Variants in MYO3B observed in about 807,000 individuals in gnomAD.
MYO3B encodes myosin-IIIb.
A neutral mutation model predicts 174.6 loss-of-function variants in MYO3B; 156 were observed. That is an observed-to-expected ratio of 0.89 (90% confidence interval 0.78 to 1.02). The LOEUF (loss-of-function observed/expected upper bound fraction) is 1.02, where lower values mean the gene tolerates loss of function less well. Ranked by LOEUF, MYO3B falls within the 50% of genes least tolerant of loss-of-function variation. The pLI is 0.00. For synonymous variants in MYO3B, 563 were observed against 569.1 expected (o/e 0.99, Z 0.15); for missense variants, 1,632 against 1,639.4 (o/e 1.00, Z 0.08).
At chr2:170,363,512 G>C (rs1356720865) in intron 8 of MYO3B, among the ~76,000 whole-genome samples, 1 of 152,138 alleles carries the variant, frequency 6.6e-6, no homozygotes, top group Non-Finnish European at 1.5e-5. Flanking sequence ...GACACCACCA[G>C]CTTGAGAGCC....
chr2:170,471,761 G>A (rs1684989166), intron 25 of MYO3B, among the ~76,000 whole-genome samples: 1 of 152,142 alleles, frequency 6.6e-6, no homozygotes, highest in South Asian at 2.1e-4. Flanking sequence ...GGAGGCTGAG[G>A]CGGGTGGATC....
chr2:170,529,031 A>T (rs1689172269), intron 30 of MYO3B, among the ~76,000 whole-genome samples: 1 of 152,258 alleles, frequency 6.6e-6, no homozygotes, highest in South Asian at 2.1e-4. Flanking sequence ...TGTACTCAAG[A>T]TTCCAAAAAA....
intron 30 of MYO3B, among the ~76,000 whole-genome samples, chr2:170,527,666 T>G (rs995806588): frequency 3.9e-5 from 6 of 152,204 alleles, no homozygotes; most frequent in Non-Finnish European, 7.3e-5. Flanking sequence ...GGAGCCAAAC[T>G]GCCTCTGTTC....
At chr2:170,380,514 A>G (rs1333014476) in intron 9 of MYO3B, among the ~76,000 whole-genome samples, 1 of 152,212 alleles carries the variant, frequency 6.6e-6, no homozygotes, top group African/African-American at 2.4e-5. Flanking sequence ...CAACTCTGAA[A>G]CTAGGGTCCA....
At chr2:170,424,024 A>C (rs1402672336) in intron 22 of MYO3B, among the ~76,000 whole-genome samples, 1 of 152,216 alleles carries the variant, frequency 6.6e-6, no homozygotes, top group Non-Finnish European at 1.5e-5. Flanking sequence ...GCTGAATAAG[A>C]TTTCCATGAC....
At chr2:170,377,051 T>C (rs569620877) in intron 9 of MYO3B, among the ~76,000 whole-genome samples, 1 of 152,326 alleles carries the variant, frequency 6.6e-6, no homozygotes, top group Admixed American at 6.5e-5. Context: ...TCCACTTCCA[T>C]AGGCATAACT....
intron 7 of MYO3B, among the ~76,000 whole-genome samples, chr2:170,333,696 T>C (rs2093927501): frequency 6.6e-6 from 1 of 152,154 alleles, no homozygotes. Context: ...TCACTCTCCT[T>C]CTCTATCTTG....
chr2:170,265,577 T>C (rs1276366139), intron 7 of MYO3B, among the ~76,000 whole-genome samples: 1 of 152,172 alleles, frequency 6.6e-6, no homozygotes, highest in Non-Finnish European at 1.5e-5. Context: ...CACAAAGTTG[T>C]TGTCAGGTCA....
At chr2:170,556,059 A>G (rs6433216) in intron 32 of MYO3B, among the ~76,000 whole-genome samples, 120,449 of 151,708 alleles carry the variant, frequency 0.79, 48,396 homozygotes, top group African/African-American at 0.87. Context: ...AGCTGGGCGT[A>G]ATAGCACACG....
intron 7 of MYO3B, among the ~76,000 whole-genome samples, chr2:170,299,480 A>C (rs2093651258): frequency 6.6e-6 from 1 of 152,184 alleles, no homozygotes; most frequent in African/African-American, 2.4e-5. Flanking sequence ...TTTAGAAGAA[A>C]TGAAAAGAGC....
intron 22 of MYO3B, among the ~76,000 whole-genome samples, chr2:170,425,699 G>A (rs1455317579): frequency 6.6e-6 from 1 of 152,146 alleles, no homozygotes; most frequent in African/African-American, 2.4e-5. Flanking sequence ...AATCAACTGG[G>A]CCCAATTAGT....
chr2:170,482,965 C>G (rs1685792025), intron 25 of MYO3B, among the ~76,000 whole-genome samples: 1 of 152,280 alleles, frequency 6.6e-6, no homozygotes, highest in South Asian at 2.1e-4. Flanking sequence ...AATCCCAAAA[C>G]TAATTGTTTT....
intron 32 of MYO3B, among the ~76,000 whole-genome samples, chr2:170,590,000 A>T (rs1481931454): frequency 6.6e-6 from 1 of 152,234 alleles, no homozygotes; most frequent in African/African-American, 2.4e-5. Context: ...TATGATGTAC[A>T]GGTTTGTAGC....
At chr2:170,236,232 C>A (rs970078453) in intron 7 of MYO3B, 96 bp downstream of exon 7, 19 of 1,490,444 alleles carry the variant, frequency 1.3e-5, no homozygotes, top group Non-Finnish European at 1.8e-5. Flanking sequence ...TCTCTCCAAA[C>A]CTGACAAAGC....
In MYO3B at chr2:170,541,355, G is replaced by A. The variant is rs1048485575; in HGVS notation, c.3576-1551G>A. ...AGTGAGTCCTTTGGGCCAATGCTTA[G>A]ATACTGAAGGGTATAGAATATATTA... On this transcript the variant is annotated intron_variant, in intron 30 of 34. Transcript: ENST00000408978. Among the ~76,000 whole-genome samples the A allele has an allele frequency of 2.0e-5, 3 of 152,294 alleles. No individual in the cohort carries two copies. In the East Asian group the frequency reaches 5.8e-4, roughly 29 times the overall value.
chr2:170,640,291 G>A (rs1697865196), intron 32 of MYO3B: 1 of 152,330 alleles, frequency 6.6e-6, no homozygotes, highest in African/African-American at 2.4e-5. Flanking sequence ...AACCACTCCA[G>A]TATAACAAGA....
At chr2:170,368,776 T>C (rs73017001) in intron 8 of MYO3B, among the ~76,000 whole-genome samples, 5,270 of 152,284 alleles carry the variant, frequency 0.035, 302 homozygotes, top group African/African-American at 0.12. Context: ...AGATGCCTTT[T>C]CCCTGCCGGT....
At chr2:170,584,454 C>T (rs1387135082) in intron 32 of MYO3B, among the ~76,000 whole-genome samples, 1 of 152,136 alleles carries the variant, frequency 6.6e-6, no homozygotes. Context: ...TTACTTGAGC[C>T]TGTGGAGATG....
At chr2:170,181,770 C>T (rs1440363589) in intron 1 of MYO3B, among the ~76,000 whole-genome samples, 1 of 152,030 alleles carries the variant, frequency 6.6e-6, no homozygotes, top group East Asian at 1.9e-4. Flanking sequence ...AAAGTAAATG[C>T]CTACCAGTAG....
Sources: allele counts gnomAD v4.1 joint callset (sites outside exome capture counted in the v4.1 genomes callset), GRCh38; gene constraint gnomAD v4.1.1; transcripts MANE v1.5; gene names NCBI Gene and HGNC (gene_info 2026-07-23, HGNC 2026-07-21).